KCNK10: variants seen among roughly 807,000 people sequenced by gnomAD.
The protein encoded by KCNK10 is potassium two pore domain channel subfamily K member 10.
In KCNK10, 25 loss-of-function variants were observed where a neutral mutation model predicts 47.7. The observed-to-expected ratio is 0.52, with a 90% CI of 0.38 to 0.73. KCNK10 has a LOEUF of 0.73. Among genes scored for constraint, KCNK10 ranks in the 30% least tolerant of loss-of-function variants. KCNK10 has a pLI of 0.00. For missense variants in KCNK10, 563 were observed against 714.5 expected, an observed-to-expected ratio of 0.79 and a Z score of 2.42; for synonymous variants, 303 against 285.6, an observed-to-expected ratio of 1.06 and a Z score of -0.61.
chr14:88,293,837 G>T (rs1420039315), intron 1 of KCNK10, among the ~76,000 whole-genome samples: 10 of 151,730 alleles, frequency 6.6e-5, no homozygotes, highest in Non-Finnish European at 1.5e-4. Flanking sequence ...CACCACACTT[G>T]GCTAATTTAA....
intron 2 of KCNK10, among the ~76,000 whole-genome samples, chr14:88,243,952 T>C (rs1886552147): frequency 6.6e-6 from 1 of 151,690 alleles, no homozygotes; most frequent in South Asian, 2.1e-4. Flanking sequence ...CCAAATGCCC[T>C]GGGGAAGCAG....
intron 4 of KCNK10, among the ~76,000 whole-genome samples, chr14:88,218,841 CCTT>C (rs1434135025): frequency 6.6e-6 from 1 of 152,150 alleles, no homozygotes; most frequent in Non-Finnish European, 1.5e-5. Context: ...TGTCAGCCCT[CCTT>C]CATCCCAAAT....
At chr14:88,215,109 C>T (rs1301961186) in intron 4 of KCNK10, among the ~76,000 whole-genome samples, 1 of 152,054 alleles carries the variant, frequency 6.6e-6, no homozygotes, top group Non-Finnish European at 1.5e-5. Flanking sequence ...GGCAGGGTAA[C>T]TTACTGTACA....
rs188580815 is a variant in KCNK10, at chr14:88,289,358, A to G, written c.53-25807T>C. 2.0e-5 allele frequency among the ~76,000 whole-genome samples: 3 copies of G among 152,292 alleles called. No individual in the cohort carries two copies. In the East Asian group the frequency reaches 5.8e-4, roughly 29 times the overall value. On this transcript the variant is annotated intron_variant, in intron 1 of 6. Coordinates refer to ENST00000319231, the MANE Select transcript of KCNK10 (RefSeq NM_138317.3). ...CCTCAGGCTGAAGCAGGGCCCCATT[A>G]GTGTGGTGTAAGTGATCTTGGGGAG...
rs940732467 is a variant in KCNK10 at position 88,185,259 on chromosome 14, G to A, written c.*276C>T. ...TAGCACTGCCCAGGGGTACAGCACT[G>A]CCACTGAAATGCCCTTAACATGTAC... On this transcript the variant is annotated 3_prime_UTR_variant, in exon 7 of 7. Coordinates refer to ENST00000319231, the MANE Select transcript of KCNK10 (RefSeq NM_138317.3). The surrounding 1 kb of genome is among the most constrained non-coding windows in gnomAD (Gnocchi z 4.3). The A allele has an allele frequency of 4.8e-6, 2 of 414,160 alleles. No individual in the cohort carries two copies. The highest frequency in any genetic ancestry group is 8.8e-6 in the Non-Finnish European group (2 of 228,296). The allele number at this position is 414,160 out of a possible 1,614,324, so 25.7% of individuals were successfully genotyped here.
At chr14:88,296,589 C>G (rs1208527751) in intron 1 of KCNK10, among the ~76,000 whole-genome samples, 1 of 152,204 alleles carries the variant, frequency 6.6e-6, no homozygotes, top group Non-Finnish European at 1.5e-5. Flanking sequence ...CAGAGTTGCA[C>G]TGCAATGAAT....
chr14:88,313,987 A>T (rs1566722530), intron 1 of KCNK10, among the ~76,000 whole-genome samples: 1 of 152,194 alleles, frequency 6.6e-6, no homozygotes, highest in Admixed American at 6.5e-5. Context: ...GGAATTTAAC[A>T]GTTTATGAAG....
intron 5 of KCNK10, among the ~76,000 whole-genome samples, chr14:88,190,709 C>A (rs927689891): frequency 3.9e-5 from 6 of 152,022 alleles, no homozygotes; most frequent in Non-Finnish European, 5.9e-5. Flanking sequence ...GGAAAAAAAA[C>A]CCTATTATTT....
intron 2 of KCNK10, among the ~76,000 whole-genome samples, chr14:88,241,101 C>T (rs187856273): frequency 1.5e-4 from 23 of 152,332 alleles, no homozygotes; most frequent in Admixed American, 7.8e-4. Flanking sequence ...CCAGATTATG[C>T]AAAATGTTAC....
At chr14:88,267,871 C>A (rs542943060) in intron 1 of KCNK10, among the ~76,000 whole-genome samples, 2 of 152,074 alleles carry the variant, frequency 1.3e-5, no homozygotes, top group Non-Finnish European at 2.9e-5. Context: ...GTGACAGGAG[C>A]CCTGATGGCC....
intron 3 of KCNK10, among the ~76,000 whole-genome samples, chr14:88,231,498 C>T (rs1033727085): frequency 6.6e-5 from 10 of 152,146 alleles, no homozygotes; most frequent in African/African-American, 2.4e-4. Flanking sequence ...AAAATCTAAT[C>T]GCATTTCACA....
In KCNK10 at chr14:88,188,017, T is replaced by G; in HGVS notation, c.961A>C (p.Ser321Arg). The change falls in exon 6 of 7, where the codon AGT (serine) becomes CGT (arginine). Residue 321 changes from serine to arginine, a missense_variant. Ser to Arg is a moderately radical substitution (Grantham distance 110). Transcript: ENST00000319231. Reference sequence around the variant, plus strand: ...ACCCGTAGCCAATCTCCGATCATACTGAGGACAGCTGCAAAGTAGGCAAGG... The same window carrying G: ...ACCCGTAGCCAATCTCCGATCATACGGAGGACAGCTGCAAAGTAGGCAAGG... ...VGLAYFAAVL[S>R]MIGDWLRVLS... is the part of the protein sequence containing the mutation. The G allele has an allele frequency of 6.2e-7, 1 of 1,614,174 alleles. No homozygotes were observed. Among genetic ancestry groups the G allele is most frequent in the Non-Finnish European group, 8.5e-7 (1 of 1,180,026 alleles).
At chr14:88,310,480 G>C (rs958434768) in intron 1 of KCNK10, among the ~76,000 whole-genome samples, 6 of 152,096 alleles carry the variant, frequency 3.9e-5, no homozygotes, top group Non-Finnish European at 8.8e-5. Flanking sequence ...GATAGTCATG[G>C]GAAGGAGTGG....
At chr14:88,292,679 C>T (rs1048089868) in intron 1 of KCNK10, among the ~76,000 whole-genome samples, 1 of 152,058 alleles carries the variant, frequency 6.6e-6, no homozygotes, top group African/African-American at 2.4e-5. Flanking sequence ...GTCACCCAGG[C>T]TGGGGTGCAG....
chr14:88,315,877 C>T (rs1253516146), intron 1 of KCNK10, among the ~76,000 whole-genome samples: 4 of 151,850 alleles, frequency 2.6e-5, no homozygotes, highest in South Asian at 2.1e-4. Flanking sequence ...GGGGGGATGG[C>T]GGTGGGGAGG....
intron 3 of KCNK10, among the ~76,000 whole-genome samples, chr14:88,240,322 C>T (rs181538714): frequency 3.8e-4 from 58 of 152,240 alleles, no homozygotes; most frequent in African/African-American, 1.3e-3. Flanking sequence ...AAAGGTGAGA[C>T]GGTCAGAATG....
intron 1 of KCNK10, among the ~76,000 whole-genome samples, chr14:88,315,205 T>TC (rs1022538836): frequency 7.1e-4 from 108 of 152,294 alleles, no homozygotes; most frequent in African/African-American, 2.5e-3. Context: ...CATAATCACC[T>TC]CCCATATGGC....
At chr14:88,202,647 A>T (rs150658190) in intron 4 of KCNK10, among the ~76,000 whole-genome samples, 1 of 152,354 alleles carries the variant, frequency 6.6e-6, no homozygotes, top group Non-Finnish European at 1.5e-5. Flanking sequence ...TCTCAGAGGC[A>T]GACTTACAGA....
At chr14:88,231,231 A>T (rs10136033) in intron 3 of KCNK10, among the ~76,000 whole-genome samples, 44,305 of 151,990 alleles carry the variant, frequency 0.29, 7,115 homozygotes, top group East Asian at 0.47. Flanking sequence ...GTAAGCTATG[A>T]TCACACCACT....
Sources: gnomAD v4.1 joint callset for allele counts (sites outside exome capture counted in the v4.1 genomes callset) on GRCh38, gnomAD v4.1.1 for gene constraint, Gnocchi (gnomAD v3.1) non-coding constraint, MANE v1.5 for transcripts, NCBI Gene and HGNC (gene_info 2026-07-23, HGNC 2026-07-21) for gene names.